PEX11A: variants seen among roughly 807,000 people sequenced by gnomAD.
The protein encoded by PEX11A is peroxisomal membrane protein 11A.
In PEX11A, 13 loss-of-function variants were observed where a neutral mutation model predicts 14.4. The ratio of observed to expected loss-of-function variants is 0.90; its 90% CI spans 0.59 to 1.43. The LOEUF (loss-of-function observed/expected upper bound fraction) is 1.43, where lower values mean the gene tolerates loss of function less well. Ranked by LOEUF, PEX11A falls within the 40% of genes most tolerant of loss-of-function variation. The probability of loss-of-function intolerance (pLI) is 0.00; values close to 1 mark genes in which losing one functional copy is unlikely to be tolerated. For missense variants in PEX11A, 290 were observed against 302.8 expected, an observed-to-expected ratio of 0.96 and a Z score of 0.31; for synonymous variants, 101 against 113.0, an observed-to-expected ratio of 0.89 and a Z score of 0.67.
chr15:89,686,656 C>T, intron 1 of PEX11A, 110 bp from the exon 2 acceptor site: 3 of 612,252 alleles, frequency 4.9e-6, no homozygotes, highest in Non-Finnish European at 8.6e-6. Context: ...TTTCCAAGAC[C>T]ATTTCTCATG....
chr15:89,686,360 G>T, intron 2 of PEX11A, 71 bp downstream of exon 2: 1 of 724,164 alleles, frequency 1.4e-6, no homozygotes, highest in Non-Finnish European at 2.5e-6. Flanking sequence ...AAATTACTCC[G>T]TGAATTACAG....
At chr15:89,685,467 G>C (rs1361452771) in intron 2 of PEX11A, among the ~76,000 whole-genome samples, 1 of 151,552 alleles carries the variant, frequency 6.6e-6, no homozygotes, top group Non-Finnish European at 1.5e-5. Context: ...ATCCAGAAAA[G>C]CTCGCCCTAC....
In PEX11A at chr15:89,690,704, G is replaced by A. The variant is rs1018808177; in HGVS notation, c.-72C>T. 4 of 1,141,510 alleles carry A rather than the reference G, an allele frequency of 3.5e-6. No individual in the cohort carries two copies. The East Asian group carries it at 1.0e-4, about 29-fold the overall frequency. The allele number at this position is 1,141,510 out of a possible 1,614,324, so 70.7% of individuals were successfully genotyped here. Reference sequence around the variant, plus strand: ...TCCTCTGGGGCCCGTCGGATCCCCAGGGAACGGTCAGTCCCAGGTTATCCG... The same window carrying A: ...TCCTCTGGGGCCCGTCGGATCCCCAAGGAACGGTCAGTCCCAGGTTATCCG... On this transcript the variant is annotated 5_prime_UTR_variant, in exon 1 of 3. Transcript: ENST00000300056.
rs577395228 is a variant in PEX11A, at chr15:89,690,710, G to A, written c.-78C>T. The A allele has an allele frequency of 9.3e-6, 10 of 1,072,278 alleles. No homozygotes were observed. The highest frequency in any genetic ancestry group is 1.4e-5 in the Non-Finnish European group (10 of 718,644). 66.4% of individuals were successfully genotyped at this position (1,072,278 alleles called of 1,614,324 possible). Reference sequence around the variant, plus strand: ...GGGGCCCGTCGGATCCCCAGGGAACGGTCAGTCCCAGGTTATCCGCTGAGG... The same window carrying A: ...GGGGCCCGTCGGATCCCCAGGGAACAGTCAGTCCCAGGTTATCCGCTGAGG... On this transcript the variant is annotated 5_prime_UTR_variant, in exon 1 of 3. Coordinates refer to ENST00000300056, the MANE Select transcript of PEX11A (RefSeq NM_003847.3).
chr15:89,683,437 C>T lies in PEX11A; in HGVS notation c.684G>A (p.Val228=). Reference sequence around the variant, plus strand: ...CAGTGATCATGCCTGCTATAGAGGACACAAGACCTCCAAGTCCAATGATGC... The same window carrying T: ...CAGTGATCATGCCTGCTATAGAGGATACAAGACCTCCAAGTCCAATGATGC... ...NPGIIGLGGL[V]SSIAGMITVA... is the part of the protein sequence containing the mutation. Residue 228 remains valine (V), a synonymous_variant, in exon 3 of 3, where the codon GTG becomes GTA. Transcript: ENST00000300056. 3 of 1,614,120 alleles carry T rather than the reference C, an allele frequency of 1.9e-6. No homozygotes were observed. Among genetic ancestry groups the T allele is most frequent in the Non-Finnish European group, 2.5e-6 (3 of 1,179,976 alleles).
intron 2 of PEX11A, 95 bp from the exon 3 acceptor site, chr15:89,684,043 T>G: frequency 1.1e-6 from 1 of 878,768 alleles, no homozygotes; most frequent in South Asian, 1.7e-5. Context: ...AGCTTTTTGT[T>G]GTTTTTTGTT....
rs1964612070 is a variant in PEX11A, at chr15:89,682,351, CTT to C, written c.*1024_*1025del. 1 of 152,074 alleles carries C rather than the reference CTT, an allele frequency of 6.6e-6. No homozygotes were observed. Among genetic ancestry groups the C allele is most frequent in the Non-Finnish European group, 1.5e-5 (1 of 68,056 alleles). 9.4% of individuals were successfully genotyped at this position (152,074 alleles called of 1,614,324 possible). ...ACCATGCCTGGCTAATTTTTTAACACTTTGTTGTAGAGAAGGAGTCTCACTAC... is the reference window on the plus strand; with the variant it reads ...ACCATGCCTGGCTAATTTTTTAACACTGTTGTAGAGAAGGAGTCTCACTAC... On this transcript the variant is annotated 3_prime_UTR_variant, in exon 3 of 3. Transcript: ENST00000300056.
chr15:89,686,547 C>G lies in PEX11A; in HGVS notation c.57-1G>C. On this transcript the variant is annotated splice_acceptor_variant, in intron 1 of 2. Coordinates refer to ENST00000300056, the MANE Select transcript of PEX11A (RefSeq NM_003847.3). LOFTEE classifies it high-confidence loss of function. ...CAACATGCATGTGTACTGAGTGGCT[C>G]TGAAATGGAAAAAAAAAAATTGAGA... 3.6e-6 allele frequency: 5 copies of G among 1,381,388 alleles called. No individual in the cohort carries two copies. The highest frequency in any genetic ancestry group is 2.5e-5 in the South Asian group (2 of 81,246). The allele number at this position is 1,381,388 out of a possible 1,614,324, so 85.6% of individuals were successfully genotyped here.
chr15:89,688,353 A>T (rs1243191356), intron 1 of PEX11A: 1 of 255,504 alleles, frequency 3.9e-6, no homozygotes, highest in East Asian at 1.2e-4. Context: ...AATGAATGCT[A>T]GAGATCTCAG....
At chr15:89,687,970 C>T (rs2141552502) in intron 1 of PEX11A, 1 of 554,264 alleles carries the variant, frequency 1.8e-6, no homozygotes, top group Non-Finnish European at 3.5e-6. Flanking sequence ...TTCTTATCTC[C>T]TCCCAGTTCA....
chr15:89,689,376 T>C lies in PEX11A; in HGVS notation c.56+1201A>G, dbSNP rs1964751748. 2.0e-5 allele frequency among the ~76,000 whole-genome samples: 3 copies of C among 152,236 alleles called. No individual in the cohort carries two copies. In the South Asian group the frequency reaches 6.2e-4, roughly 32 times the overall value. On this transcript the variant is annotated intron_variant, in intron 1 of 2. Coordinates refer to ENST00000300056, the MANE Select transcript of PEX11A (RefSeq NM_003847.3). ...AAAACACTGGGAACAATAGCTGTCA[T>C]AAAGATGGCTTCCAAAAGCCTCATT... is the stretch of plus-strand genomic sequence containing the variant.
intron 1 of PEX11A, among the ~76,000 whole-genome samples, chr15:89,688,410 C>T (rs929574907): frequency 5.9e-5 from 9 of 152,054 alleles, no homozygotes; most frequent in East Asian, 1.9e-4. Flanking sequence ...TATTATTTTT[C>T]GAGACAGAGT....
Position 89,686,513 on chromosome 15 carries a change from A to G in PEX11A, c.90T>C (p.Tyr30=). The G allele has an allele frequency of 1.3e-6, 2 of 1,598,892 alleles. No homozygotes were observed. Among genetic ancestry groups the G allele is most frequent in the Non-Finnish European group, 1.7e-6 (2 of 1,166,234 alleles). ...ATQYTCMLLR[Y]LLEPKAGKEK... ...CTTTGCCAGCTTTGGGCTCTAACAA[A>G]TATCTAAGCAACATGCATGTGTACT... Residue 30 remains tyrosine, a synonymous_variant, in exon 2 of 3, where the codon TAT becomes TAC. Transcript: ENST00000300056.
At position 89,683,115 on chromosome 15, in the gene PEX11A, A is replaced by G. The variant is rs1432837783; in HGVS notation, c.*262T>C. 1 of 470,170 alleles carries G rather than the reference A, an allele frequency of 2.1e-6. No homozygotes were observed. 29.1% of individuals were successfully genotyped at this position (470,170 alleles called of 1,614,324 possible). A position where few individuals can be genotyped will look rare whatever the true frequency, so the allele number is the denominator to read the frequency against. On this transcript the variant is annotated 3_prime_UTR_variant, in exon 3 of 3. Coordinates refer to ENST00000300056, the MANE Select transcript of PEX11A (RefSeq NM_003847.3). ...CAAATACTAAGCTCCCACTATGCAC[A>G]TAAGAGATGTTCAATCAATGTTAGA...
chr15:89,686,243 G>A (rs566289157), intron 2 of PEX11A, among the ~76,000 whole-genome samples, 188 bp downstream of exon 2: 69 of 152,358 alleles, frequency 4.5e-4, no homozygotes, highest in African/African-American at 1.3e-3. Context: ...ATAAGAGGGT[G>A]TTTATGAATG....
intron 2 of PEX11A, 150 bp from the exon 3 acceptor site, chr15:89,684,098 C>CCGGCTGGAGTG: frequency 1.6e-6 from 1 of 609,344 alleles, no homozygotes; most frequent in Non-Finnish European, 2.9e-6. Flanking sequence ...TGCAGCGGCA[C>CCGGCTGGAGTG]CATCACAGCT....
intron 2 of PEX11A, among the ~76,000 whole-genome samples, chr15:89,684,548 TA>T (rs1181168103): frequency 3.9e-5 from 6 of 152,192 alleles, no homozygotes; most frequent in Non-Finnish European, 7.4e-5. Context: ...ACTGTCTTTT[TA>T]AAAAACACTA....
At chr15:89,686,361 T>C in intron 2 of PEX11A, 70 bp downstream of exon 2, 2 of 730,360 alleles carry the variant, frequency 2.7e-6, no homozygotes, top group East Asian at 5.1e-5. Flanking sequence ...AATTACTCCG[T>C]GAATTACAGG....
intron 2 of PEX11A, 59 bp from the exon 3 acceptor site, chr15:89,684,007 G>T (rs1964640898): frequency 1.6e-6 from 2 of 1,243,462 alleles, no homozygotes; most frequent in Non-Finnish European, 1.1e-6. Context: ...CAGGAAGATA[G>T]AATCCCTGTA....
Sources: gnomAD v4.1 joint callset for allele counts (sites outside exome capture counted in the v4.1 genomes callset) on GRCh38, gnomAD v4.1.1 for gene constraint, MANE v1.5 for transcripts, NCBI Gene and HGNC (gene_info 2026-07-23, HGNC 2026-07-21) for gene names.